Variants in TSPAN9 observed in about 807,000 individuals in gnomAD.
TSPAN9 encodes tetraspanin 9, also known as tetraspanin-9.
TSPAN9 carries 16 observed loss-of-function variants against 31.0 expected under a neutral mutation model. The ratio of observed to expected loss-of-function variants is 0.52; its 90% CI spans 0.35 to 0.78. The LOEUF is 0.78. Ranked by LOEUF, TSPAN9 falls within the 30% of genes least tolerant of loss-of-function variation. The pLI is 0.01. For synonymous variants in TSPAN9, 145 were observed against 121.6 expected (o/e 1.19, Z -1.27); for missense variants, 272 against 312.5 (o/e 0.87, Z 0.98).
chr12:3,106,646 C>T (rs1013960135), intron 2 of TSPAN9, among the ~76,000 whole-genome samples: 2 of 152,172 alleles, frequency 1.3e-5, no homozygotes, highest in Non-Finnish European at 2.9e-5. Context: ...TGGCATGTGC[C>T]TGTAGTCACA....
At chr12:3,155,291 G>A (rs1174122201) in intron 2 of TSPAN9, among the ~76,000 whole-genome samples, 1 of 152,162 alleles carries the variant, frequency 6.6e-6, no homozygotes, top group African/African-American at 2.4e-5. Flanking sequence ...GGGAGAGGCA[G>A]CTCACACACA....
chr12:3,257,586 A>T (rs377074654), intron 3 of TSPAN9, among the ~76,000 whole-genome samples: 26 of 151,878 alleles, frequency 1.7e-4, no homozygotes, highest in African/African-American at 6.0e-4. Flanking sequence ...GGAATAAATT[A>T]TCCCCAACAA....
chr12:3,282,550 C>T (rs1274756842), intron 8 of TSPAN9, among the ~76,000 whole-genome samples: 2 of 152,184 alleles, frequency 1.3e-5, no homozygotes, highest in African/African-American at 4.8e-5. Flanking sequence ...TATACACCAC[C>T]ATACCTGAAT....
chr12:3,247,531 G>A (rs1378644129), intron 3 of TSPAN9, among the ~76,000 whole-genome samples: 2 of 152,150 alleles, frequency 1.3e-5, no homozygotes, highest in Non-Finnish European at 2.9e-5. Flanking sequence ...ATGGGCGAGG[G>A]AAGACACCTT....
intron 2 of TSPAN9, among the ~76,000 whole-genome samples, chr12:3,087,039 G>A (rs2098300875): frequency 6.6e-6 from 1 of 152,250 alleles, no homozygotes; most frequent in African/African-American, 2.4e-5. Context: ...TGAGGGAAGT[G>A]AGCTGGGGTG....
intron 3 of TSPAN9, among the ~76,000 whole-genome samples, chr12:3,271,019 C>G (rs181525388): frequency 6.6e-6 from 1 of 152,224 alleles, no homozygotes; most frequent in Admixed American, 6.5e-5. Flanking sequence ...TTAGAACTGT[C>G]TCACATGGAG....
At chr12:3,268,086 T>C (rs1343880457) in intron 3 of TSPAN9, among the ~76,000 whole-genome samples, 1 of 152,178 alleles carries the variant, frequency 6.6e-6, no homozygotes, top group African/African-American at 2.4e-5. Flanking sequence ...AGGCCATGAC[T>C]GGTTTGTCAG....
Position 3,283,168 on chromosome 12 carries a change from G to T in TSPAN9, c.*52G>T. 6.3e-7 allele frequency: 1 copy of T among 1,587,344 alleles called. No individual in the cohort carries two copies. Among genetic ancestry groups the T allele is most frequent in the Non-Finnish European group, 8.6e-7 (1 of 1,167,654 alleles). On this transcript the variant is annotated 3_prime_UTR_variant, in exon 9 of 9. Coordinates refer to ENST00000011898, the MANE Select transcript of TSPAN9 (RefSeq NM_006675.5). The stretch of plus-strand genomic sequence containing the variant: ...GCCCTGCTGCCCTGTGGAGGGAAGA[G>T]GATTGAGCTTTGTGTCACCTGCCTG...
intron 2 of TSPAN9, among the ~76,000 whole-genome samples, chr12:3,094,222 G>A (rs547697127): frequency 2.8e-4 from 42 of 152,280 alleles, no homozygotes; most frequent in Admixed American, 1.6e-3. Context: ...GTTTCTAGCC[G>A]TGGCAGGAGA....
At chr12:3,211,130 GA>G (rs2098378456) in intron 3 of TSPAN9, among the ~76,000 whole-genome samples, 3 of 105,220 alleles carry the variant, frequency 2.9e-5, no homozygotes, top group African/African-American at 8.6e-5. Flanking sequence ...GTAAGTGACT[GA>G]AGATGAGTTC....
At chr12:3,268,637 C>T (rs1177011193) in intron 3 of TSPAN9, among the ~76,000 whole-genome samples, 14 of 89,300 alleles carry the variant, frequency 1.6e-4, no homozygotes, top group Admixed American at 2.4e-4. Context: ...GCCCTCTGTG[C>T]GTTCCTGCAG....
At chr12:3,160,648 G>C (rs1190676931) in intron 2 of TSPAN9, among the ~76,000 whole-genome samples, 1 of 152,184 alleles carries the variant, frequency 6.6e-6, no homozygotes, top group East Asian at 1.9e-4. Context: ...AGCCATCCTA[G>C]TGAGTGTGAA....
intron 2 of TSPAN9, among the ~76,000 whole-genome samples, chr12:3,110,451 G>A (rs1255452300): frequency 3.3e-5 from 5 of 152,222 alleles, no homozygotes; most frequent in Non-Finnish European, 7.3e-5. Flanking sequence ...CACAGTGGAG[G>A]TAAGTGTACC....
intron 3 of TSPAN9, among the ~76,000 whole-genome samples, chr12:3,232,886 G>A (rs766468982): frequency 2.6e-5 from 4 of 152,196 alleles, no homozygotes; most frequent in Non-Finnish European, 4.4e-5. Context: ...AAGTTTTCTT[G>A]CTGGGCCTGG....
At chr12:3,218,247 G>A (rs1304385984) in intron 3 of TSPAN9, among the ~76,000 whole-genome samples, 6 of 152,168 alleles carry the variant, frequency 3.9e-5, no homozygotes, top group Non-Finnish European at 7.3e-5. Flanking sequence ...AACTTCCTCG[G>A]GGCAGGGAGC....
intron 2 of TSPAN9, among the ~76,000 whole-genome samples, chr12:3,113,252 T>C (rs187882986): frequency 0.014 from 2,095 of 151,858 alleles, 47 homozygotes; most frequent in African/African-American, 0.047. Context: ...AAAGAGGGCA[T>C]GTGTGGTGGG....
rs74733317 is a variant in TSPAN9, at chr12:3,084,728, C to A, written c.-18+1009C>A. On this transcript the variant is annotated intron_variant, in intron 2 of 8. Coordinates refer to ENST00000011898, the MANE Select transcript of TSPAN9 (RefSeq NM_006675.5). ...TCTCATTTAACTTTCACAAAGGCCC[C>A]GTGGGGTAGCTGTCATGTCCTCCTC... 4.0e-3 allele frequency among the ~76,000 whole-genome samples: 614 copies of A among 152,306 alleles called. 27 individuals carry two copies. In the East Asian group the frequency reaches 0.1, roughly 26 times the overall value.
intron 3 of TSPAN9, among the ~76,000 whole-genome samples, chr12:3,269,595 GC>G (rs145050303): frequency 4.1e-4 from 62 of 150,866 alleles, no homozygotes; most frequent in African/African-American, 1.3e-3. Flanking sequence ...CCTGCAGCCT[GC>G]CCTCTGTGTT....
chr12:3,109,841 T>A (rs528794103), intron 2 of TSPAN9, among the ~76,000 whole-genome samples: 1 of 148,864 alleles, frequency 6.7e-6, no homozygotes, highest in Non-Finnish European at 1.5e-5. Context: ...AAAACTACAA[T>A]TTTAAAGAGA....
Sources: allele counts gnomAD v4.1 joint callset (sites outside exome capture counted in the v4.1 genomes callset), GRCh38; gene constraint gnomAD v4.1.1; transcripts MANE v1.5; gene names NCBI Gene and HGNC (gene_info 2026-07-23, HGNC 2026-07-21).